PCDH11X: variants seen among roughly 807,000 people sequenced by gnomAD.
PCDH11X encodes the protein protocadherin 11 X-linked.
Under a neutral mutation model 53.3 loss-of-function variants are expected in PCDH11X, and 18 were observed. That is an observed-to-expected ratio of 0.34 (90% CI 0.23 to 0.50). The LOEUF is 0.50. Ranked by LOEUF, PCDH11X falls within the 20% of genes least tolerant of loss-of-function variation. The pLI is 0.98. For missense variants in PCDH11X, 570 were observed against 1,032.4 expected (o/e 0.55, Z 6.14); for synonymous variants, 279 against 393.3 (o/e 0.71, Z 3.44).
At chrX:92,405,999 G>A (rs2071501224) in intron 9 of PCDH11X, among the ~76,000 whole-genome samples, 1 of 104,476 alleles carries the variant, frequency 9.6e-6, no homozygotes, top group South Asian at 4.4e-4. Context: ...GGAGGCTGAG[G>A]CAGGAGAATG....
chrX:92,009,336 C>T (rs2062651295), intron 6 of PCDH11X, among the ~76,000 whole-genome samples: 1 of 111,280 alleles, frequency 9.0e-6, no homozygotes, highest in Non-Finnish European at 1.9e-5. Context: ...TGTTTTTGAA[C>T]TTTAAGTTTT....
intron 6 of PCDH11X, among the ~76,000 whole-genome samples, chrX:92,037,463 T>C (rs191219774): frequency 4.9e-4 from 55 of 112,068 alleles, no homozygotes; most frequent in Non-Finnish European, 7.5e-5. Context: ...CTATTACTGA[T>C]GGGCATTTGG....
chrX:92,594,582 ACT>A, intron 10 of PCDH11X, among the ~76,000 whole-genome samples: 1 of 107,707 alleles, frequency 9.3e-6, no homozygotes, highest in African/African-American at 3.4e-5. Flanking sequence ...CTGTTTTGAG[ACT>A]TTTTTCAGCC....
chrX:91,815,744 A>T (rs62606411), intron 4 of PCDH11X, among the ~76,000 whole-genome samples: 6,371 of 106,468 alleles, frequency 0.06, 195 homozygotes, highest in Non-Finnish European at 0.092. Context: ...GTAATATCTT[A>T]CTCTGTAAGA....
chrX:92,173,613 G>A (rs2065856910), intron 6 of PCDH11X, among the ~76,000 whole-genome samples: 1 of 110,513 alleles, frequency 9.0e-6, no homozygotes, highest in Non-Finnish European at 1.9e-5. Context: ...TACTCAATGA[G>A]CATATATTAT....
intron 8 of PCDH11X, among the ~76,000 whole-genome samples, chrX:92,372,766 A>G (rs765348674): frequency 9.1e-6 from 1 of 109,570 alleles, no homozygotes; most frequent in East Asian, 2.9e-4. Context: ...GAAAACCACT[A>G]ATTTTAAGCA....
At chrX:91,824,302 T>G (rs1284205816) in intron 4 of PCDH11X, among the ~76,000 whole-genome samples, 5 of 110,723 alleles carry the variant, frequency 4.5e-5, no homozygotes, top group Non-Finnish European at 9.5e-5. Flanking sequence ...CCCATCACTT[T>G]CAGGTACACC....
intron 6 of PCDH11X, among the ~76,000 whole-genome samples, chrX:92,042,361 G>C (rs1330829439): frequency 9.7e-6 from 1 of 102,584 alleles, no homozygotes; most frequent in Non-Finnish European, 1.9e-5. Flanking sequence ...AAATTAATCT[G>C]TGTTAAATGA....
chrX:92,118,158 G>A (rs2064677818), intron 6 of PCDH11X, among the ~76,000 whole-genome samples: 1 of 111,296 alleles, frequency 9.0e-6, no homozygotes, highest in African/African-American at 3.3e-5. Flanking sequence ...TTCTGCTATA[G>A]ATTTCCATCC....
chrX:92,593,581 AAAC>A (rs1402940026), intron 10 of PCDH11X, among the ~76,000 whole-genome samples: 2 of 111,576 alleles, frequency 1.8e-5, no homozygotes, highest in Non-Finnish European at 3.8e-5. Flanking sequence ...GTTTAAAAAA[AAAC>A]TTTCTTAAAA....
At chrX:92,486,801 A>G (rs2073650607) in intron 10 of PCDH11X, among the ~76,000 whole-genome samples, 1 of 109,232 alleles carries the variant, frequency 9.2e-6, no homozygotes, top group Admixed American at 1.0e-4. Flanking sequence ...ATTGAGAACA[A>G]CATTTTTAGC....
intron 5 of PCDH11X, among the ~76,000 whole-genome samples, chrX:91,836,844 G>A (rs1000044962): frequency 9.0e-6 from 1 of 110,631 alleles, no homozygotes; most frequent in Non-Finnish European, 1.9e-5. Context: ...GTGCAGAGGG[G>A]CCACATTTAT....
chrX:92,280,444 A>T (rs970430690), intron 8 of PCDH11X, among the ~76,000 whole-genome samples: 1 of 109,455 alleles, frequency 9.1e-6, no homozygotes, highest in Non-Finnish European at 1.9e-5. Flanking sequence ...GCTACTCAGG[A>T]GGCTGTGGTG....
chrX:91,802,880 T>C (rs995766499), intron 1 of PCDH11X, among the ~76,000 whole-genome samples: 3 of 111,187 alleles, frequency 2.7e-5, no homozygotes, highest in Admixed American at 9.6e-5. Context: ...TACTTAGTCT[T>C]AAGTAAAAAT....
At chrX:91,953,145 T>G (rs71216394) in intron 6 of PCDH11X, among the ~76,000 whole-genome samples, 9,753 of 108,649 alleles carry the variant, frequency 0.09, 607 homozygotes, top group African/African-American at 0.18. Context: ...ACACAATAGG[T>G]TGACTATAGT....
intron 5 of PCDH11X, among the ~76,000 whole-genome samples, chrX:91,839,537 G>A (rs1947159822): frequency 9.2e-6 from 1 of 108,290 alleles, no homozygotes; most frequent in African/African-American, 3.4e-5. Flanking sequence ...TCGGGAGGCA[G>A]AGGTTGCAGT....
intron 6 of PCDH11X, among the ~76,000 whole-genome samples, chrX:92,148,061 T>C (rs7877333): frequency 0.074 from 461 of 6,220 alleles, 15 homozygotes; most frequent in African/African-American, 0.1. Flanking sequence ...TTCCTTCCTT[T>C]CTTTCTTTCT....
intron 6 of PCDH11X, among the ~76,000 whole-genome samples, chrX:92,092,348 G>A (rs1337606086): frequency 9.0e-6 from 1 of 111,654 alleles, no homozygotes; most frequent in Non-Finnish European, 1.9e-5. Flanking sequence ...TCTGTGTGAT[G>A]TGAACTCTGA....
chrX:91,975,640 G>A (rs2062035836), intron 6 of PCDH11X, among the ~76,000 whole-genome samples: 1 of 110,718 alleles, frequency 9.0e-6, no homozygotes, highest in Non-Finnish European at 1.9e-5. Context: ...AGGGGACTCA[G>A]GAATGGCTGT....
Sources: allele counts gnomAD v4.1 joint callset (sites outside exome capture counted in the v4.1 genomes callset), GRCh38; gene constraint gnomAD v4.1.1; transcripts MANE v1.5; gene names NCBI Gene and HGNC (gene_info 2026-07-23, HGNC 2026-07-21).